The following RMDN2 variants were observed in gnomAD, a reference collection of about 807,000 sequenced individuals.
RMDN2 encodes the protein regulator of microtubule dynamics 2, also known as regulator of microtubule dynamics protein 2.
A neutral mutation model predicts 52.8 loss-of-function variants in RMDN2; 61 were observed. The ratio of observed to expected loss-of-function variants is 1.16; its 90% confidence interval spans 0.94 to 1.43. The LOEUF (loss-of-function observed/expected upper bound fraction) is 1.43. Among genes scored for constraint, RMDN2 ranks in the 40% most tolerant of loss-of-function variants. The pLI is 0.00. For synonymous variants in RMDN2, 180 were observed against 153.1 expected (o/e 1.18, Z -1.30); for missense variants, 592 against 475.3 (o/e 1.25, Z -2.28).
chr2:38,044,571 C>CTT (rs566479109), intron 10 of RMDN2, among the ~76,000 whole-genome samples: 1 of 145,382 alleles, frequency 6.9e-6, no homozygotes, highest in African/African-American at 2.5e-5. Context: ...TTTGGGTTTT[C>CTT]TTTTTTTTTT....
chr2:37,945,016 A>T (rs1329068503), intron 2 of RMDN2, among the ~76,000 whole-genome samples: 1 of 152,208 alleles, frequency 6.6e-6, no homozygotes, highest in Non-Finnish European at 1.5e-5. Context: ...AGGTATTGGG[A>T]TAACGTCGAA....
chr2:37,981,922 G>T lies in RMDN2; in HGVS notation c.791+579G>T, dbSNP rs140491185. Among the ~76,000 whole-genome samples the T allele has an allele frequency of 9.2e-4, 139 of 151,800 alleles. 2 individuals are homozygous for T. In the East Asian group the frequency reaches 0.022, roughly 24 times the overall value. On this transcript the variant is annotated intron_variant, in intron 5 of 10. Coordinates refer to ENST00000354545, the MANE Select transcript of RMDN2 (RefSeq NM_001170791.3). ...AAATTATAAATTATAAAACAATAAG[G>T]AATATATTGTTTTAAATTATTATTC...
chr2:38,026,614 T>A (rs751228981), intron 10 of RMDN2, among the ~76,000 whole-genome samples: 2 of 152,162 alleles, frequency 1.3e-5, no homozygotes, highest in Non-Finnish European at 1.5e-5. Context: ...TTCTTTTTTT[T>A]AATTATACTT....
intron 10 of RMDN2, 22 bp downstream of exon 10, chr2:38,004,238 G>C: frequency 6.5e-7 from 1 of 1,535,858 alleles, no homozygotes; most frequent in Non-Finnish European, 9.0e-7. Context: ...AAGTGACAGT[G>C]AGTGCTGTTG....
At chr2:38,029,082 C>G (rs930041708) in intron 10 of RMDN2, among the ~76,000 whole-genome samples, 3 of 152,124 alleles carry the variant, frequency 2.0e-5, no homozygotes, top group African/African-American at 7.2e-5. Flanking sequence ...TATTTTCCCA[C>G]CTTCTTTCAC....
intron 8 of RMDN2, among the ~76,000 whole-genome samples, chr2:38,000,281 T>G (rs945056535): frequency 6.6e-6 from 1 of 152,194 alleles, no homozygotes; most frequent in African/African-American, 2.4e-5. Context: ...TGAGGCACCT[T>G]ACAAAATGGC....
intron 2 of RMDN2, among the ~76,000 whole-genome samples, chr2:37,965,700 A>T (rs1670949743): frequency 6.6e-6 from 1 of 152,192 alleles, no homozygotes; most frequent in African/African-American, 2.4e-5. Context: ...CTTTACCTTT[A>T]CTACAGAATA....
chr2:38,018,056 T>C (rs898064605), downstream of RMDN2, among the ~76,000 whole-genome samples: 9 of 152,320 alleles, frequency 5.9e-5, no homozygotes, highest in Non-Finnish European at 1.2e-4. Context: ...TTCACTTCTT[T>C]TGTGGTGGAA....
Position 38,002,436 on chromosome 2 carries a change from A to C in RMDN2, c.1045-1555A>C, listed in dbSNP as rs1048743428. On this transcript the variant is annotated intron_variant, in intron 8 of 10. Coordinates refer to ENST00000354545, the MANE Select transcript of RMDN2 (RefSeq NM_001170791.3). ...ATACAGCTATTGAAAATGATGAAGT[A>C]TATCTATGCTGACATGAAAATGTGT... Among the ~76,000 whole-genome samples the C allele has an allele frequency of 7.9e-5, 12 of 152,310 alleles. 1 individual carries two copies. Among genetic ancestry groups the C allele is most frequent in the Admixed American group, 3.3e-4 (5 of 15,300 alleles).
chr2:38,046,544 C>G (rs982462889), intron 10 of RMDN2, among the ~76,000 whole-genome samples: 12 of 151,738 alleles, frequency 7.9e-5, no homozygotes, highest in Admixed American at 3.3e-4. Flanking sequence ...CAAAGAAATC[C>G]ACATCTAAGA....
intron 10 of RMDN2, among the ~76,000 whole-genome samples, chr2:38,059,976 C>T (rs1012611030): frequency 6.6e-6 from 1 of 152,150 alleles, no homozygotes; most frequent in African/African-American, 2.4e-5. Flanking sequence ...CGGCTCACTG[C>T]AACCTCCGCC....
At chr2:38,057,637 A>G (rs959722907) in intron 10 of RMDN2, among the ~76,000 whole-genome samples, 9 of 152,166 alleles carry the variant, frequency 5.9e-5, no homozygotes, top group Non-Finnish European at 1.2e-4. Flanking sequence ...CTCATATTCA[A>G]TAGTAATCCC....
upstream of RMDN2, among the ~76,000 whole-genome samples, chr2:37,924,640 T>TA (rs1408936532): frequency 4.6e-5 from 7 of 152,242 alleles, no homozygotes; most frequent in African/African-American, 1.4e-4. Context: ...GTGCTGGGAT[T>TA]ACAGGCGTGA....
At chr2:38,008,863 G>T (rs575792426) in intron 10 of RMDN2, among the ~76,000 whole-genome samples, 349 of 152,228 alleles carry the variant, frequency 2.3e-3, no homozygotes, top group Admixed American at 0.011. Flanking sequence ...TTTCCATGTT[G>T]AGTGCTTCCT....
chr2:38,031,564 C>T (rs1485379509), intron 10 of RMDN2, among the ~76,000 whole-genome samples: 1 of 152,088 alleles, frequency 6.6e-6, no homozygotes, highest in South Asian at 2.1e-4. Context: ...GTCACAAATC[C>T]CCTCCCGCAA....
intron 10 of RMDN2, among the ~76,000 whole-genome samples, chr2:38,023,416 T>G (rs1006964851): frequency 6.6e-6 from 1 of 152,244 alleles, no homozygotes; most frequent in African/African-American, 2.4e-5. Context: ...AAAAATCTTA[T>G]ATTTGTATTT....
In RMDN2 at chr2:38,017,133, A is replaced by G. The variant is rs535243792; in HGVS notation, c.1180-53A>G. ...GTGTAAGTCTGTTTCAGCATGCTAGAGTATCAAGATGAATGCATGAAATTT... is the reference window on the plus strand; with the variant it reads ...GTGTAAGTCTGTTTCAGCATGCTAGGGTATCAAGATGAATGCATGAAATTT... On this transcript the variant is annotated intron_variant, in intron 10 of 10. Transcript: ENST00000354545. The G allele has an allele frequency of 1.9e-5, 22 of 1,140,776 alleles. 1 individual carries two copies. In the South Asian group the frequency reaches 2.6e-4, roughly 13 times the overall value. 70.7% of individuals were successfully genotyped at this position (1,140,776 alleles called of 1,614,324 possible).
At chr2:37,952,363 G>C in intron 2 of RMDN2, 1 of 630,442 alleles carries the variant, frequency 1.6e-6, no homozygotes. Flanking sequence ...AAATTTAATT[G>C]CTGTAGTTTT....
At position 37,929,265 on chromosome 2, in the gene RMDN2, C is replaced by A; in HGVS notation, c.-13C>A. On this transcript the variant is annotated 5_prime_UTR_variant, in exon 2 of 11. Coordinates refer to ENST00000354545, the MANE Select transcript of RMDN2 (RefSeq NM_001170791.3). ...ACATTTATGTTTTTAATTTTAGAAA[C>A]GAAAACCAAGAAATGCCTTATTCCA... The A allele has an allele frequency of 6.7e-7, 1 of 1,483,086 alleles. No homozygotes were observed. Among genetic ancestry groups the A allele is most frequent in the South Asian group, 1.3e-5 (1 of 75,690 alleles). 91.9% of individuals were successfully genotyped at this position (1,483,086 alleles called of 1,614,324 possible). A position where few individuals can be genotyped will look rare whatever the true frequency, so the allele number is the denominator to read the frequency against.
Sources: allele counts gnomAD v4.1 joint callset (sites outside exome capture counted in the v4.1 genomes callset), GRCh38; gene constraint gnomAD v4.1.1; transcripts MANE v1.5; gene names NCBI Gene and HGNC (gene_info 2026-07-23, HGNC 2026-07-21).